The following SRCIN1 variants were observed in gnomAD, a reference collection of about 807,000 sequenced individuals.
SRCIN1 encodes the protein SRC kinase signaling inhibitor 1.
Under a neutral mutation model 116.2 loss-of-function variants are expected in SRCIN1, and 50 were observed. The ratio of observed to expected loss-of-function variants is 0.43; its 90% CI spans 0.34 to 0.54. The LOEUF is 0.54. SRCIN1 is among the 20% of genes least tolerant of loss of function. SRCIN1 has a pLI of 0.02. For synonymous variants in SRCIN1, 736 were observed against 750.0 expected (o/e 0.98, Z 0.30); for missense variants, 1,446 against 1,672.0 (o/e 0.86, Z 2.36).
chr17:38,548,451 C>A (rs1004017039), intron 17 of SRCIN1, 106 bp downstream of exon 17: 143 of 1,402,354 alleles, frequency 1.0e-4, no homozygotes, highest in Non-Finnish European at 1.4e-4. Context: ...CCGCAGGGAG[C>A]CCGAGAGCCC....
chr17:38,564,017 G>T, intron 4 of SRCIN1, 101 bp downstream of exon 4: 1 of 1,350,942 alleles, frequency 7.4e-7, no homozygotes, highest in African/African-American at 1.4e-5. Flanking sequence ...AGCAGAGCTT[G>T]AGGCGAGCTG....
chr17:38,578,908 G>C, intron 1 of SRCIN1, 117 bp from the exon 2 acceptor site: 1 of 1,223,882 alleles, frequency 8.2e-7, no homozygotes, highest in Non-Finnish European at 1.1e-6. Context: ...GAGTGGAGAG[G>C]CGCCCGGGGA....
In SRCIN1 at chr17:38,562,935, G is replaced by A. The variant is rs758293722; in HGVS notation, c.741-15C>T. ...CCTGGATGTCCCTGGGAGAGGCGGG[G>A]AGACGGGGGTCACCACCCATCCCCC... On this transcript the variant is annotated splice_polypyrimidine_tract_variant and intron_variant, in intron 5 of 18. Coordinates refer to ENST00000617146, the MANE Select transcript of SRCIN1 (RefSeq NM_025248.3). The surrounding 1 kb of genome is among the most constrained non-coding windows in gnomAD (Gnocchi z 4.2). 6.2e-7 allele frequency: 1 copy of A among 1,601,930 alleles called. No homozygotes were observed. The highest frequency in any genetic ancestry group is 8.5e-7 in the Non-Finnish European group (1 of 1,170,336).
At chr17:38,561,357 C>G (rs117540231) in intron 7 of SRCIN1, 106 bp downstream of exon 7, 16,099 of 1,327,222 alleles carry the variant, frequency 0.012, 131 homozygotes, top group Non-Finnish European at 0.014. Context: ...CCAAAGGACT[C>G]CAGGATCTCA....
chr17:38,603,418 G>A (rs1429299876), intron 1 of SRCIN1, among the ~76,000 whole-genome samples: 1 of 152,028 alleles, frequency 6.6e-6, no homozygotes, highest in Non-Finnish European at 1.5e-5. Flanking sequence ...TCTTTGAGGG[G>A]TTCATTCGAG....
At chr17:38,571,306 G>C (rs1907062269) in intron 2 of SRCIN1, among the ~76,000 whole-genome samples, 1 of 152,142 alleles carries the variant, frequency 6.6e-6, no homozygotes, top group Non-Finnish European at 1.5e-5. Flanking sequence ...ACAGTACCTG[G>C]TGGATAGCAG....
chr17:38,551,372 C>A lies in SRCIN1; in HGVS notation c.2745G>T (p.Trp915Cys). Residue 915 changes from tryptophan (W) to cysteine (C), a missense_variant, in exon 15 of 19, where the codon TGG becomes TGT. Around this residue, in one of 5 missense-constraint regions of SRCIN1, gnomAD observed 531 missense variants for 633.9 expected, o/e 0.84. Transcript: ENST00000617146. ...GGGTCAGGGCTGCCCGCTTCTCCTCCCAGTCTCGCTCTGCAGCCTTAACAG... is the reference window on the plus strand; with the variant it reads ...GGGTCAGGGCTGCCCGCTTCTCCTCACAGTCTCGCTCTGCAGCCTTAACAG... Reference protein sequence around the residue: ...AVSVEAAERDWEEKRAALTQY... With the variant: ...AVSVEAAERDCEEKRAALTQY... The A allele has an allele frequency of 6.2e-7, 1 of 1,612,064 alleles. No individual in the cohort carries two copies. The highest frequency in any genetic ancestry group is 8.5e-7 in the Non-Finnish European group (1 of 1,179,098).
chr17:38,594,905 G>A (rs1374657937), intron 1 of SRCIN1, among the ~76,000 whole-genome samples: 1 of 152,114 alleles, frequency 6.6e-6, no homozygotes, highest in Non-Finnish European at 1.5e-5. Context: ...ACAGCCTCAG[G>A]AGCAGCCTAA....
At chr17:38,600,680 C>G (rs574518318) in intron 1 of SRCIN1, among the ~76,000 whole-genome samples, 37 of 152,342 alleles carry the variant, frequency 2.4e-4, no homozygotes, top group African/African-American at 8.9e-4. Context: ...TGCACAGCCT[C>G]AAGCCCCTCT....
At position 38,561,575 on chromosome 17, in the gene SRCIN1, C is replaced by G. The variant is rs200742404; in HGVS notation, c.1588G>C (p.Ala530Pro). The G allele has an allele frequency of 6.2e-7, 1 of 1,601,726 alleles. No homozygotes were observed. Among genetic ancestry groups the G allele is most frequent in the Non-Finnish European group, 8.5e-7 (1 of 1,175,540 alleles). ...AESPGGKTRS[A>P]GSASTAGAPP... ...GCTCCGGCCGTCGAGGCGCTCCCCG[C>G]GCTGCGGGTCTTCCCTCCAGGACTC... Residue 530 changes from alanine to proline, a missense_variant, in exon 7 of 19, where the codon GCG becomes CCG. Coordinates refer to ENST00000617146, the MANE Select transcript of SRCIN1 (RefSeq NM_025248.3).
chr17:38,562,124 G>A lies in SRCIN1; in HGVS notation c.1039C>T (p.His347Tyr), dbSNP rs1463784543. ...PPSYAGSPVH[H>Y]AAERLGGAPA... ...GCGCCTCCCAGCCTCTCGGCCGCGTGGTGCACCGGGCTGCCGGCGTACGAA... is the reference window on the plus strand; with the variant it reads ...GCGCCTCCCAGCCTCTCGGCCGCGTAGTGCACCGGGCTGCCGGCGTACGAA... The change falls in exon 7 of 19, where the codon CAC becomes TAC. Residue 347 changes from histidine (H) to tyrosine (Y), a missense_variant. His to Tyr is a moderately conservative substitution (Grantham distance 83). Transcript: ENST00000617146. This position sits in a 1 kb window ranked among gnomAD's most constrained non-coding sequence, Gnocchi z 4.2. 1 of 1,384,470 alleles carries A rather than the reference G, an allele frequency of 7.2e-7. No individual in the cohort carries two copies. The highest frequency in any genetic ancestry group is 9.3e-7 in the Non-Finnish European group (1 of 1,077,520). 85.8% of individuals were successfully genotyped at this position (1,384,470 alleles called of 1,614,324 possible). A position where few individuals can be genotyped will look rare whatever the true frequency, so the allele number is the denominator to read the frequency against.
rs1909233750 is a variant in SRCIN1, at chr17:38,604,428, A to C, written c.22+1256T>G. The C allele has an allele frequency of 2.4e-6, 1 of 419,824 alleles. No individual in the cohort carries two copies. Among genetic ancestry groups the C allele is most frequent in the South Asian group, 1.7e-5 (1 of 59,370 alleles). 26.0% of individuals were successfully genotyped at this position (419,824 alleles called of 1,614,324 possible). On this transcript the variant is annotated intron_variant, in intron 1 of 18. Transcript: ENST00000617146. This position sits in a 1 kb window ranked among gnomAD's most constrained non-coding sequence, Gnocchi z 4.3. ...CCTCCTTGTCCCACAACATTTGAGGAGGGGGGCTGGGAAGATCCCCCTCCT... is the reference window on the plus strand; with the variant it reads ...CCTCCTTGTCCCACAACATTTGAGGCGGGGGGCTGGGAAGATCCCCCTCCT...
chr17:38,578,769 G>A lies in SRCIN1; in HGVS notation c.45C>T (p.Pro15=), dbSNP rs1255437268. The change falls in exon 2 of 19, where the codon CCC becomes CCT. Residue 15 remains proline, a synonymous_variant. Transcript: ENST00000617146. ...PSQDPERSSP[P]MLSADDAEYP... ...ACTCCGCATCGTCCGCAGACAGCAT[G>A]GGGGGGCTGCTCCGCTCCGGATCTG... is the stretch of plus-strand genomic sequence containing the variant. 5 of 1,513,352 alleles carry A rather than the reference G, an allele frequency of 3.3e-6. No individual in the cohort carries two copies. The highest frequency in any genetic ancestry group is 4.4e-6 in the Non-Finnish European group (5 of 1,134,310). The allele number at this position is 1,513,352 out of a possible 1,614,324, so 93.7% of individuals were successfully genotyped here.
In SRCIN1 at chr17:38,563,358, C is replaced by T. The variant is rs1271891709; in HGVS notation, c.705G>A (p.Glu235=). 1.3e-6 allele frequency: 2 copies of T among 1,580,396 alleles called. No individual in the cohort carries two copies. Among genetic ancestry groups the T allele is most frequent in the South Asian group, 2.3e-5 (2 of 85,862 alleles). Residue 235 remains glutamate, a synonymous_variant, in exon 5 of 19, where the codon GAG becomes GAA. Coordinates refer to ENST00000617146, the MANE Select transcript of SRCIN1 (RefSeq NM_025248.3). The surrounding 1 kb of genome is among the most constrained non-coding windows in gnomAD (Gnocchi z 5.8). ...CCAGCTCGTAGAAGACGTTGCGAGC[C>T]TCGTCTTTGATGAGGATGGCGGTAT... ...SPNTAILIKD[E]ARNVFYELED... is the part of the protein sequence containing the mutation.
chr17:38,551,804 G>A (rs1315775980), intron 14 of SRCIN1, 82 bp downstream of exon 14: 1 of 1,600,908 alleles, frequency 6.2e-7, no homozygotes, highest in Non-Finnish European at 8.5e-7. Context: ...CACAGGATTG[G>A]CACTCCCCAC....
intron 18 of SRCIN1, chr17:38,542,458 G>A (rs1290269380): frequency 6.5e-6 from 1 of 152,962 alleles, no homozygotes; most frequent in East Asian, 1.9e-4. Context: ...CCCAGCGAAA[G>A]CTCTGTCAGT....
At chr17:38,533,641 A>G (rs2040957714) in intron 18 of SRCIN1, among the ~76,000 whole-genome samples, 2 of 150,336 alleles carry the variant, frequency 1.3e-5, no homozygotes, top group South Asian at 2.1e-4. Flanking sequence ...ACGAGGTTGG[A>G]CAAAGGGCCT....
At chr17:38,556,935 A>AC (rs1233364241) in intron 11 of SRCIN1, among the ~76,000 whole-genome samples, 2 of 151,704 alleles carry the variant, frequency 1.3e-5, no homozygotes, top group African/African-American at 4.8e-5. Flanking sequence ...GAAAATTCCA[A>AC]CCCCCCTCCT....
At chr17:38,540,007 C>T (rs991339429) in intron 18 of SRCIN1, among the ~76,000 whole-genome samples, 2 of 124,784 alleles carry the variant, frequency 1.6e-5, no homozygotes, top group Non-Finnish European at 3.1e-5. Context: ...AGCAACAGAG[C>T]GAGACTCCAT....
Sources: gnomAD v4.1 joint callset for allele counts (sites outside exome capture counted in the v4.1 genomes callset) on GRCh38, gnomAD v4.1.1 for gene constraint, gnomAD v4.1.1 regional missense constraint, Gnocchi (gnomAD v3.1) non-coding constraint, MANE v1.5 for transcripts, NCBI Gene and HGNC (gene_info 2026-07-23, HGNC 2026-07-21) for gene names.